Variants in SLC4A4 observed in about 807,000 individuals in gnomAD.
SLC4A4 encodes solute carrier family 4 member 4.
A neutral mutation model predicts 111.5 loss-of-function variants in SLC4A4; 27 were observed. The observed-to-expected ratio is 0.24, with a 90% CI of 0.18 to 0.33. The LOEUF is 0.33. SLC4A4 is among the 10% of genes least tolerant of loss of function. The probability of loss-of-function intolerance (pLI) is 1.00; values close to 1 mark genes in which losing one functional copy is unlikely to be tolerated. For missense variants in SLC4A4, 909 were observed against 1,315.5 expected, an observed-to-expected ratio of 0.69 and a Z score of 4.78; for synonymous variants, 443 against 463.4, an observed-to-expected ratio of 0.96 and a Z score of 0.57.
chr4:71,108,983 G>T (rs1467950268), intron 2 of SLC4A4, among the ~76,000 whole-genome samples: 1 of 151,864 alleles, frequency 6.6e-6, no homozygotes, highest in Admixed American at 6.6e-5. Context: ...GTCTTTCTCA[G>T]GGACATTTTC....
intron 1 of SLC4A4, among the ~76,000 whole-genome samples, chr4:71,192,518 T>G (rs951767412): frequency 1.3e-5 from 2 of 152,154 alleles, no homozygotes; most frequent in African/African-American, 4.8e-5. Context: ...GAAAAGTGCC[T>G]GAAAACAGCG....
intron 1 of SLC4A4, among the ~76,000 whole-genome samples, chr4:71,190,434 A>G (rs1178106285): frequency 6.7e-6 from 1 of 149,698 alleles, no homozygotes; most frequent in Non-Finnish European, 1.5e-5. Context: ...ACACACAGAC[A>G]CAACTCATTT....
chr4:71,207,375 A>C (rs560273930), intron 1 of SLC4A4, among the ~76,000 whole-genome samples: 1 of 152,374 alleles, frequency 6.6e-6, no homozygotes, highest in Non-Finnish European at 1.5e-5. Context: ...CAGAATTAGA[A>C]CAATTTAAAA....
At chr4:71,565,007 C>T (rs1737331548) in intron 24 of SLC4A4, among the ~76,000 whole-genome samples, 1 of 151,134 alleles carries the variant, frequency 6.6e-6, no homozygotes, top group African/African-American at 2.4e-5. Flanking sequence ...TCTCTGAAGA[C>T]TATTTTTTTT....
intron 15 of SLC4A4, among the ~76,000 whole-genome samples, chr4:71,492,725 C>T (rs991188982): frequency 4.6e-5 from 7 of 152,078 alleles, no homozygotes; most frequent in South Asian, 4.1e-4. Flanking sequence ...TAAAGTTTGT[C>T]GCTTTTATTC....
At chr4:71,354,803 T>C (rs1730140072) in intron 5 of SLC4A4, among the ~76,000 whole-genome samples, 1 of 152,196 alleles carries the variant, frequency 6.6e-6, no homozygotes, top group African/African-American at 2.4e-5. Context: ...AATCAGTCCA[T>C]GTCTGTGGGC....
At chr4:71,558,804 G>A (rs1736698844) in intron 22 of SLC4A4, among the ~76,000 whole-genome samples, 1 of 151,564 alleles carries the variant, frequency 6.6e-6, no homozygotes, top group Admixed American at 6.6e-5. Context: ...AAATACTAGT[G>A]ATATTTGTTA....
chr4:71,450,616 A>G (rs1358591236), intron 10 of SLC4A4, 73 bp downstream of exon 10: 2 of 1,333,256 alleles, frequency 1.5e-6, no homozygotes, highest in African/African-American at 1.5e-5. Flanking sequence ...AAAAAAAAAA[A>G]GTGAAGTCAA....
chr4:71,504,182 A>T (rs756491504), intron 16 of SLC4A4, among the ~76,000 whole-genome samples: 54 of 152,292 alleles, frequency 3.5e-4, no homozygotes, highest in Non-Finnish European at 5.1e-4. Flanking sequence ...AGCTTCTTGG[A>T]TCAGGACATC....
intron 18 of SLC4A4, among the ~76,000 whole-genome samples, chr4:71,542,365 A>C (rs1026988885): frequency 1.3e-5 from 2 of 152,016 alleles, no homozygotes; most frequent in Non-Finnish European, 2.9e-5. Flanking sequence ...CACTCCCAAT[A>C]TACCGTTTAT....
In SLC4A4 at chr4:71,354,649, C is replaced by T. The variant is rs73826286; in HGVS notation, c.551-2359C>T. On this transcript the variant is annotated intron_variant, in intron 5 of 25. Coordinates refer to ENST00000264485, the MANE Select transcript of SLC4A4 (RefSeq NM_001098484.3). ...ATTCTTCTGTCACATGGCCATCATT[C>T]TCTTGGTTTGCAAAAGCTCTGCGTA... 7.9e-3 allele frequency among the ~76,000 whole-genome samples: 1,204 copies of T among 152,224 alleles called. 17 individuals carry two copies. The highest frequency in any genetic ancestry group is 0.026 in the African/African-American group (1,067 of 41,514).
chr4:71,545,318 T>C (rs1735421863), intron 18 of SLC4A4, among the ~76,000 whole-genome samples: 1 of 151,942 alleles, frequency 6.6e-6, no homozygotes, highest in South Asian at 2.1e-4. Flanking sequence ...TGTAACAAGA[T>C]CTGAATGATA....
chr4:71,068,814 G>A (rs1367496119), intron 1 of SLC4A4, among the ~76,000 whole-genome samples: 1 of 152,102 alleles, frequency 6.6e-6, no homozygotes, highest in Non-Finnish European at 1.5e-5. Context: ...TGATCTGCCT[G>A]CCTTGGCTTC....
intron 7 of SLC4A4, among the ~76,000 whole-genome samples, chr4:71,423,600 G>A (rs923041526): frequency 1.3e-5 from 2 of 152,040 alleles, no homozygotes; most frequent in South Asian, 2.1e-4. Context: ...ATACTACAAG[G>A]CTACAGTAAC....
At chr4:71,181,104 C>G (rs1353099973) in intron 2 of SLC4A4, among the ~76,000 whole-genome samples, 1 of 151,188 alleles carries the variant, frequency 6.6e-6, no homozygotes, top group Non-Finnish European at 1.5e-5. Flanking sequence ...TCTCAGCAAA[C>G]TATCACAAGG....
chr4:71,133,031 A>G (rs1156585377), intron 2 of SLC4A4, among the ~76,000 whole-genome samples: 1 of 152,218 alleles, frequency 6.6e-6, no homozygotes, highest in African/African-American at 2.4e-5. Flanking sequence ...AATTAATGTA[A>G]GTGCATTTGA....
At chr4:71,348,246 T>A (rs1041225277) in intron 4 of SLC4A4, among the ~76,000 whole-genome samples, 7 of 151,994 alleles carry the variant, frequency 4.6e-5, no homozygotes, top group African/African-American at 1.7e-4. Flanking sequence ...AATTGTCGTT[T>A]TTTTTCTCCC....
In SLC4A4 at chr4:71,339,984, G is replaced by A. The variant is rs914059016; in HGVS notation, c.389+479G>A. Among the ~76,000 whole-genome samples, 11 of 151,840 alleles carry A rather than the reference G, an allele frequency of 7.2e-5. No individual in the cohort carries two copies. In the South Asian group the frequency reaches 2.3e-3, roughly 32 times the overall value. ...TGTAATCACAGAATTTTAGTAGGCC[G>A]AGGCAGGTGGATTGCCTGAGCCTAG... On this transcript the variant is annotated intron_variant, in intron 4 of 25. Coordinates refer to ENST00000264485, the MANE Select transcript of SLC4A4 (RefSeq NM_001098484.3).
chr4:71,486,592 A>G (rs1270039481), intron 14 of SLC4A4, among the ~76,000 whole-genome samples: 1 of 151,532 alleles, frequency 6.6e-6, no homozygotes, highest in African/African-American at 2.4e-5. Flanking sequence ...CCAGTGGTCA[A>G]CTTAATCAAT....
Sources: gnomAD v4.1 joint callset for allele counts (sites outside exome capture counted in the v4.1 genomes callset) on GRCh38, gnomAD v4.1.1 for gene constraint, MANE v1.5 for transcripts, NCBI Gene and HGNC (gene_info 2026-07-23, HGNC 2026-07-21) for gene names.